DOCK3: variants seen among roughly 807,000 people sequenced by gnomAD.
The protein encoded by DOCK3 is dedicator of cytokinesis 3, also known as dedicator of cytokinesis protein 3.
A neutral mutation model predicts 265.6 loss-of-function variants in DOCK3; 60 were observed. That is an observed-to-expected ratio of 0.23 (90% CI 0.18 to 0.28). The LOEUF (loss-of-function observed/expected upper bound fraction) is 0.28, where lower values mean the gene tolerates loss of function less well. Ranked by LOEUF, DOCK3 falls within the 10% of genes least tolerant of loss-of-function variation. DOCK3 has a pLI of 1.00. For missense variants in DOCK3, 1,981 were observed against 2,594.3 expected (o/e 0.76, Z 5.14); for synonymous variants, 881 against 938.0 (o/e 0.94, Z 1.11).
intron 12 of DOCK3, among the ~76,000 whole-genome samples, chr3:51,167,804 A>G (rs1025910619): frequency 6.6e-6 from 1 of 152,144 alleles, no homozygotes; most frequent in Non-Finnish European, 1.5e-5. Flanking sequence ...GTCTCCTGCT[A>G]CTTTACCGAA....
intron 9 of DOCK3, among the ~76,000 whole-genome samples, chr3:51,127,346 A>G (rs1560098511): frequency 6.6e-6 from 1 of 152,318 alleles, no homozygotes; most frequent in East Asian, 1.9e-4. Flanking sequence ...AGTATTAACC[A>G]TCACAAGTCC....
chr3:51,314,807 T>C (rs985448985), intron 31 of DOCK3, among the ~76,000 whole-genome samples, 173 bp from the exon 32 acceptor site: 3 of 152,316 alleles, frequency 2.0e-5, no homozygotes, highest in African/African-American at 7.2e-5. Flanking sequence ...AGGCCAACTT[T>C]ATCCATAAAC....
At chr3:50,741,116 TA>T (rs988206047) in intron 1 of DOCK3, among the ~76,000 whole-genome samples, 2 of 151,556 alleles carry the variant, frequency 1.3e-5, no homozygotes, top group African/African-American at 4.8e-5. Flanking sequence ...AGAGCTTCAT[TA>T]TTTTTTTGGA....
chr3:50,690,621 G>A (rs527382891), intron 1 of DOCK3, among the ~76,000 whole-genome samples: 1 of 151,668 alleles, frequency 6.6e-6, no homozygotes, highest in Admixed American at 6.6e-5. Context: ...TCATTCGTTC[G>A]TTCGTTCATT....
intron 14 of DOCK3, among the ~76,000 whole-genome samples, chr3:51,216,620 G>A (rs6445551): frequency 0.91 from 138,848 of 152,226 alleles, 63,467 homozygotes; most frequent in African/African-American, 0.96. Context: ...TTTTGCACAG[G>A]TGGCCACTCC....
In DOCK3 at chr3:50,862,189, G is replaced by A. The variant is rs148244019; in HGVS notation, c.162+20474G>A. Among the ~76,000 whole-genome samples the A allele has an allele frequency of 3.5e-3, 533 of 152,292 alleles. 5 individuals are homozygous for A. Among genetic ancestry groups the A allele is most frequent in the African/African-American group, 0.013 (520 of 41,548 alleles). On this transcript the variant is annotated intron_variant, in intron 3 of 52. Transcript: ENST00000266037. ...TTGGCTTAGTTCCTGGGTGCTTTCA[G>A]GGGGCCAAAGCTCTGTATGTGTTCC... is the stretch of plus-strand genomic sequence containing the variant.
At chr3:50,889,371 G>A (rs1253246381) in intron 3 of DOCK3, among the ~76,000 whole-genome samples, 2 of 151,634 alleles carry the variant, frequency 1.3e-5, no homozygotes, top group African/African-American at 2.4e-5. Context: ...AGCATGAGCC[G>A]CCAAACCTGT....
chr3:50,912,713 T>C (rs1389780567), intron 4 of DOCK3, among the ~76,000 whole-genome samples: 1 of 149,188 alleles, frequency 6.7e-6, no homozygotes. Context: ...CCTCACCCTG[T>C]AGCCACTGCT....
chr3:51,141,192 C>CT (rs59473694), intron 9 of DOCK3, among the ~76,000 whole-genome samples: 9 of 144,284 alleles, frequency 6.2e-5, no homozygotes, highest in African/African-American at 1.0e-4. Context: ...TATTTTCTTT[C>CT]TTTTTTTTTT....
intron 9 of DOCK3, among the ~76,000 whole-genome samples, chr3:51,113,637 A>G (rs978210606): frequency 1.3e-5 from 2 of 152,146 alleles, no homozygotes; most frequent in Admixed American, 1.3e-4. Flanking sequence ...AAATCACTGG[A>G]CTCACATAGA....
intron 5 of DOCK3, among the ~76,000 whole-genome samples, chr3:51,040,123 C>T (rs568571620): frequency 1.1e-4 from 16 of 152,000 alleles, no homozygotes; most frequent in Admixed American, 9.8e-4. Flanking sequence ...GTTTGTACTT[C>T]ATTGACTTCT....
At chr3:51,156,737 C>G (rs1250899934) in intron 10 of DOCK3, among the ~76,000 whole-genome samples, 1 of 152,138 alleles carries the variant, frequency 6.6e-6, no homozygotes, top group African/African-American at 2.4e-5. Flanking sequence ...TTGAAAAATA[C>G]CATAAATTAT....
intron 12 of DOCK3, among the ~76,000 whole-genome samples, chr3:51,186,743 T>A (rs2087627230): frequency 6.6e-6 from 1 of 152,220 alleles, no homozygotes; most frequent in African/African-American, 2.4e-5. Flanking sequence ...GGGGCCAATG[T>A]AAACCTTGGG....
At chr3:51,353,398 G>A (rs1405557347) in intron 40 of DOCK3, among the ~76,000 whole-genome samples, 1 of 152,120 alleles carries the variant, frequency 6.6e-6, no homozygotes, top group Non-Finnish European at 1.5e-5. Flanking sequence ...GATCACCTGA[G>A]GTCAGGAGCT....
chr3:50,730,568 C>T (rs57756789), intron 1 of DOCK3, among the ~76,000 whole-genome samples: 7,500 of 152,152 alleles, frequency 0.049, 668 homozygotes, highest in African/African-American at 0.17. Flanking sequence ...TGGCTCATGC[C>T]TGTAATTGCA....
chr3:50,909,042 T>C (rs1425907506), intron 4 of DOCK3, among the ~76,000 whole-genome samples: 2 of 151,248 alleles, frequency 1.3e-5, no homozygotes, highest in African/African-American at 2.4e-5. Flanking sequence ...TGATCCCTGC[T>C]TTTTTTTTGT....
chr3:51,297,771 C>G (rs946633356), intron 27 of DOCK3, among the ~76,000 whole-genome samples: 12 of 128,796 alleles, frequency 9.3e-5, no homozygotes, highest in Non-Finnish European at 1.8e-4. Context: ...CCTGTCTTTA[C>G]AAAAATAATA....
chr3:51,237,618 G>A (rs547508331), intron 21 of DOCK3, 28 bp downstream of exon 21: 1 of 1,589,604 alleles, frequency 6.3e-7, no homozygotes, highest in South Asian at 1.1e-5. Flanking sequence ...TCATCATTAG[G>A]ACTCGTGTTT....
chr3:51,089,300 G>T lies in DOCK3; in HGVS notation c.591+16G>T. ...CACATCCCAGGTAAGCGGCTTTCCTGGGTCTTCCAGCCTTTCCCCTCAACT... is the reference window on the plus strand; with the variant it reads ...CACATCCCAGGTAAGCGGCTTTCCTTGGTCTTCCAGCCTTTCCCCTCAACT... On this transcript the variant is annotated intron_variant, in intron 8 of 52. Transcript: ENST00000266037. The T allele has an allele frequency of 6.2e-7, 1 of 1,605,554 alleles. No homozygotes were observed. Among genetic ancestry groups the T allele is most frequent in the Non-Finnish European group, 8.5e-7 (1 of 1,175,914 alleles).
Sources: allele counts gnomAD v4.1 joint callset (sites outside exome capture counted in the v4.1 genomes callset), GRCh38; gene constraint gnomAD v4.1.1; transcripts MANE v1.5; gene names NCBI Gene and HGNC (gene_info 2026-07-23, HGNC 2026-07-21).